Variants in TNFRSF21 observed in about 807,000 individuals in gnomAD.
TNFRSF21 encodes the protein tumor necrosis factor receptor superfamily member 21.
In TNFRSF21, 19 loss-of-function variants were observed where a neutral mutation model predicts 45.6. The ratio of observed to expected loss-of-function variants is 0.42; its 90% CI spans 0.29 to 0.61. The LOEUF (loss-of-function observed/expected upper bound fraction) is 0.61. TNFRSF21 is among the 20% of genes least tolerant of loss of function. The pLI is 0.23. For missense variants in TNFRSF21, 737 were observed against 851.5 expected (o/e 0.87, Z 1.67); for synonymous variants, 314 against 335.5 (o/e 0.94, Z 0.70).
chr6:47,233,558 T>G (rs1215407420), intron 5 of TNFRSF21, among the ~76,000 whole-genome samples: 1 of 152,002 alleles, frequency 6.6e-6, no homozygotes, highest in Non-Finnish European at 1.5e-5. Flanking sequence ...TAAGAAAATA[T>G]GATTTCTTCT....
At chr6:47,237,668 T>C (rs2295271) in intron 4 of TNFRSF21, among the ~76,000 whole-genome samples, 47,214 of 152,078 alleles carry the variant, frequency 0.31, 8,229 homozygotes, top group East Asian at 0.57. Context: ...GTTCTTTGAG[T>C]TTTCCAAATT....
chr6:47,248,310 C>T (rs1399146536), intron 4 of TNFRSF21, among the ~76,000 whole-genome samples: 1 of 152,000 alleles, frequency 6.6e-6, no homozygotes. Context: ...GTGTGAAGGG[C>T]AGGTTCTGTA....
At chr6:47,258,487 C>A (rs1464866509) in intron 3 of TNFRSF21, among the ~76,000 whole-genome samples, 1 of 150,064 alleles carries the variant, frequency 6.7e-6, no homozygotes, top group African/African-American at 2.5e-5. Context: ...TCCCCAGGGA[C>A]TTTATTTCTT....
At chr6:47,239,107 G>A (rs1007575477) in intron 4 of TNFRSF21, among the ~76,000 whole-genome samples, 8 of 151,946 alleles carry the variant, frequency 5.3e-5, no homozygotes, top group East Asian at 1.9e-4. Flanking sequence ...TCAACATAGC[G>A]AAACCCTGTC....
At chr6:47,234,067 C>T (rs1188291817) in intron 5 of TNFRSF21, among the ~76,000 whole-genome samples, 1 of 152,176 alleles carries the variant, frequency 6.6e-6, no homozygotes, top group African/African-American at 2.4e-5. Context: ...TCTCAGCTCA[C>T]TGCAGCCTCC....
intron 4 of TNFRSF21, among the ~76,000 whole-genome samples, chr6:47,238,266 G>A (rs1764689677): frequency 6.6e-6 from 1 of 152,226 alleles, no homozygotes; most frequent in Non-Finnish European, 1.5e-5. Context: ...TTTGTGAAAT[G>A]TTTGTGGACA....
intron 4 of TNFRSF21, among the ~76,000 whole-genome samples, chr6:47,236,977 T>C (rs1340696591): frequency 4.6e-5 from 7 of 151,800 alleles, no homozygotes; most frequent in Non-Finnish European, 8.8e-5. Context: ...AATGTTTAAT[T>C]TCCCCCCCCG....
intron 3 of TNFRSF21, among the ~76,000 whole-genome samples, chr6:47,280,177 T>A (rs1315327744): frequency 6.6e-6 from 1 of 152,116 alleles, no homozygotes; most frequent in Admixed American, 6.5e-5. Context: ...CTACTGAGGG[T>A]AGGCAGGGAT....
chr6:47,239,332 A>ATTCTCCAC (rs1450586594), intron 4 of TNFRSF21, among the ~76,000 whole-genome samples: 1 of 151,206 alleles, frequency 6.6e-6, no homozygotes, highest in Non-Finnish European at 1.5e-5. Flanking sequence ...CCCAAAAATA[A>ATTCTCCAC]TTCTCCACTT....
chr6:47,284,323 T>C lies in TNFRSF21; in HGVS notation c.858A>G (p.Glu286=), dbSNP rs1289663518. 1 of 1,599,780 alleles carries C rather than the reference T, an allele frequency of 6.3e-7. No individual in the cohort carries two copies. Among genetic ancestry groups the C allele is most frequent in the East Asian group, 2.2e-5 (1 of 44,850 alleles). Reference sequence around the variant, plus strand: ...GGTTTGGGAGGGTCTTGTTCACGTCTTCCTTCCCCCTTGCTGAGCTTGTGT... The same window carrying C: ...GGTTTGGGAGGGTCTTGTTCACGTCCTCCTTCCCCCTTGCTGAGCTTGTGT... ...PDNTSSARGK[E]DVNKTLPNLQ... Residue 286 remains glutamate (E), a synonymous_variant, in exon 3 of 6, where the codon GAA becomes GAG. Transcript: ENST00000296861.
intron 4 of TNFRSF21, among the ~76,000 whole-genome samples, chr6:47,237,290 A>AG (rs1296865429): frequency 2.0e-5 from 3 of 152,180 alleles, no homozygotes; most frequent in Non-Finnish European, 2.9e-5. Flanking sequence ...TTTTCCCAAA[A>AG]GAAAAAAAAA....
In TNFRSF21 at chr6:47,309,704, T is replaced by G; in HGVS notation, c.-193A>C. 2 of 751,858 alleles carry G rather than the reference T, an allele frequency of 2.7e-6. No individual in the cohort carries two copies. The allele number at this position is 751,858 out of a possible 1,614,324, so 46.6% of individuals were successfully genotyped here. On this transcript the variant is annotated 5_prime_UTR_variant, in exon 1 of 6. Transcript: ENST00000296861. ...GGAGGCTCTAGGGGCGCTCAGCACCTGCCCAGCGGCGCGGCCGCCCAGGCG... is the reference window on the plus strand; with the variant it reads ...GGAGGCTCTAGGGGCGCTCAGCACCGGCCCAGCGGCGCGGCCGCCCAGGCG...
intron 1 of TNFRSF21, among the ~76,000 whole-genome samples, chr6:47,299,277 G>C (rs1490393526): frequency 1.3e-5 from 2 of 152,084 alleles, no homozygotes; most frequent in Non-Finnish European, 2.9e-5. Context: ...GATCACTTGA[G>C]GTCAGGAGTT....
intron 3 of TNFRSF21, among the ~76,000 whole-genome samples, chr6:47,267,608 A>G (rs543683316): frequency 1.3e-5 from 2 of 152,330 alleles, no homozygotes; most frequent in East Asian, 3.9e-4. Flanking sequence ...TGAATGCTCC[A>G]GTATGGCTCA....
At chr6:47,278,288 T>G (rs921698718) in intron 3 of TNFRSF21, among the ~76,000 whole-genome samples, 6 of 152,296 alleles carry the variant, frequency 3.9e-5, no homozygotes, top group Middle Eastern at 3.4e-3. Flanking sequence ...ACCAATCCAA[T>G]GTCTTTAAAA....
At chr6:47,306,275 C>CGT (rs1376840989) in intron 1 of TNFRSF21, among the ~76,000 whole-genome samples, 4 of 152,222 alleles carry the variant, frequency 2.6e-5, no homozygotes, top group African/African-American at 9.6e-5. Flanking sequence ...TTCTCATTCA[C>CGT]GTTCTGTAAC....
intron 4 of TNFRSF21, among the ~76,000 whole-genome samples, chr6:47,247,052 C>G (rs1764834794): frequency 6.6e-6 from 1 of 152,218 alleles, no homozygotes; most frequent in Non-Finnish European, 1.5e-5. Flanking sequence ...GTACCAGGCT[C>G]ACAGCTGGTG....
At chr6:47,285,018 A>G (rs933906422) in intron 2 of TNFRSF21, among the ~76,000 whole-genome samples, 2 of 152,160 alleles carry the variant, frequency 1.3e-5, no homozygotes, top group African/African-American at 4.8e-5. Flanking sequence ...TCCATAAGTA[A>G]TTTTCATTAA....
rs753655982 is a variant in TNFRSF21 at position 47,286,025 on chromosome 6, G to T, written c.667C>A (p.Pro223Thr). The change falls in exon 2 of 6, where the codon CCT becomes ACT. Residue 223 changes from proline (P) to threonine (T), a missense_variant. Physicochemically the swap from Pro to Thr is conservative, Grantham distance 38 (BLOSUM62 -1). Coordinates refer to ENST00000296861, the MANE Select transcript of TNFRSF21 (RefSeq NM_014452.5). ...GGAAAGATGGCTGTGCCAGGGGAAGGTGAGGTGGAGCTGGAGAAGGACGGG... is the reference window on the plus strand; with the variant it reads ...GGAAAGATGGCTGTGCCAGGGGAAGTTGAGGTGGAGCTGGAGAAGGACGGG... ...TLPSFSSSTS[P>T]SPGTAIFPRP... is the part of the protein sequence containing the mutation. 9.3e-6 allele frequency: 15 copies of T among 1,614,102 alleles called. No homozygotes were observed. The highest frequency in any genetic ancestry group is 6.7e-5 in the Admixed American group (4 of 60,002).
Sources: gnomAD v4.1 joint callset for allele counts (sites outside exome capture counted in the v4.1 genomes callset) on GRCh38, gnomAD v4.1.1 for gene constraint, MANE v1.5 for transcripts, NCBI Gene and HGNC (gene_info 2026-07-23, HGNC 2026-07-21) for gene names.